CSMD1: variants seen among roughly 807,000 people sequenced by gnomAD.
The protein encoded by CSMD1 is CUB and sushi domain-containing protein 1.
Under a neutral mutation model 417.5 loss-of-function variants are expected in CSMD1, and 213 were observed. The ratio of observed to expected loss-of-function variants is 0.51; its 90% CI spans 0.46 to 0.57. The LOEUF is 0.57. CSMD1 is among the 20% of genes least tolerant of loss of function. The pLI is 0.00. For synonymous variants in CSMD1, 2,862 were observed against 1,736.8 expected (o/e 1.65, Z -16.11); for missense variants, 6,923 against 4,529.7 (o/e 1.53, Z -15.17).
intron 2 of CSMD1, among the ~76,000 whole-genome samples, chr8:4,616,515 T>C (rs1468934627): frequency 6.6e-6 from 1 of 152,228 alleles, no homozygotes; most frequent in Non-Finnish European, 1.5e-5. Flanking sequence ...TCACACCAAA[T>C]ACAAAGACTT....
Position 3,108,671 on chromosome 8 carries a change from G to C in CSMD1, c.6686C>G (p.Thr2229Ser). Reference protein sequence around the residue: ...NTALETAYSSTNQVLLKFHSD... With the variant: ...NTALETAYSSSNQVLLKFHSD... The stretch of plus-strand genomic sequence containing the variant: ...GTGGAACTTGAGCAGGACTTGGTTG[G>C]TGGAGCTATACGCCGTTTCGAGGGC... Residue 2229 changes from threonine to serine, a missense_variant, in exon 44 of 70, where the codon ACC becomes AGC. Physicochemically the swap from Thr to Ser is moderately conservative, Grantham distance 58 (BLOSUM62 1). Transcript: ENST00000635120. 6.2e-7 allele frequency: 1 copy of C among 1,613,774 alleles called. No homozygotes were observed. Among genetic ancestry groups the C allele is most frequent in the Non-Finnish European group, 8.5e-7 (1 of 1,179,816 alleles).
At chr8:2,958,884 A>G (rs1310762255) in intron 62 of CSMD1, among the ~76,000 whole-genome samples, 1 of 152,264 alleles carries the variant, frequency 6.6e-6, no homozygotes, top group Non-Finnish European at 1.5e-5. Context: ...GATTCCGGGA[A>G]GAATAACTAC....
chr8:3,191,298 AT>A (rs2129051212), intron 33 of CSMD1, among the ~76,000 whole-genome samples: 1 of 152,238 alleles, frequency 6.6e-6, no homozygotes, highest in South Asian at 2.1e-4. Context: ...TCTACTAAAA[AT>A]ACAAAAATTA....
intron 5 of CSMD1, among the ~76,000 whole-genome samples, chr8:3,960,591 G>C (rs1457707006): frequency 1.3e-5 from 2 of 152,004 alleles, no homozygotes; most frequent in Non-Finnish European, 2.9e-5. Flanking sequence ...AAGCAAAAAA[G>C]TTATTTTAAA....
At chr8:3,325,576 C>T (rs28416693) in intron 23 of CSMD1, among the ~76,000 whole-genome samples, 1 of 152,034 alleles carries the variant, frequency 6.6e-6, no homozygotes, top group Non-Finnish European at 1.5e-5. Context: ...GTAATCCCAG[C>T]ACTTTGGGAG....
intron 3 of CSMD1, among the ~76,000 whole-genome samples, chr8:4,379,918 A>G (rs763415627): frequency 6.6e-6 from 1 of 152,222 alleles, no homozygotes; most frequent in South Asian, 2.1e-4. Context: ...CGTGAACTCC[A>G]TGAGCGCGGC....
At chr8:2,970,351 T>A (rs908316595) in intron 57 of CSMD1, among the ~76,000 whole-genome samples, 1 of 152,208 alleles carries the variant, frequency 6.6e-6, no homozygotes, top group Non-Finnish European at 1.5e-5. Flanking sequence ...CTCAAGTGAA[T>A]GGCCATCTTT....
At chr8:3,411,921 C>CGTATATATACACGTATATAT in intron 12 of CSMD1, among the ~76,000 whole-genome samples, 1 of 121,042 alleles carries the variant, frequency 8.3e-6, no homozygotes, top group Non-Finnish European at 1.7e-5. Flanking sequence ...TATATATGCA[C>CGTATATATACACGTATATAT]GTATATATAC....
In CSMD1 at chr8:4,220,431, GA is replaced by G. The variant is rs150115723; in HGVS notation, c.416-188333del. ...GTTTAGCAGTATGCGACGTCCATGG[GA>G]TGGCATTAGAGGTCAGGGCAGTGAG... is the stretch of plus-strand genomic sequence containing the variant. On this transcript the variant is annotated intron_variant, in intron 3 of 69. Transcript: ENST00000635120. 5.1e-3 allele frequency among the ~76,000 whole-genome samples: 779 copies of G among 152,308 alleles called. 6 individuals are homozygous for G. Among genetic ancestry groups the G allele is most frequent in the African/African-American group, 0.018 (739 of 41,562 alleles).
intron 2 of CSMD1, among the ~76,000 whole-genome samples, chr8:4,485,122 A>T (rs1038466879): frequency 7.9e-5 from 12 of 151,964 alleles, no homozygotes; most frequent in Admixed American, 2.0e-4. Context: ...GGTTTTTCCA[A>T]ATAAGGTCTT....
chr8:4,279,478 T>G (rs533967049), intron 3 of CSMD1, among the ~76,000 whole-genome samples: 1 of 152,198 alleles, frequency 6.6e-6, no homozygotes. Flanking sequence ...ATAGCGTTTT[T>G]TCATGAGCAG....
At chr8:3,604,382 C>G (rs985140345) in intron 8 of CSMD1, among the ~76,000 whole-genome samples, 2 of 152,086 alleles carry the variant, frequency 1.3e-5, no homozygotes, top group Non-Finnish European at 2.9e-5. Flanking sequence ...TGCTCCGAAT[C>G]TTAAGATCTG....
intron 41 of CSMD1, among the ~76,000 whole-genome samples, chr8:3,123,012 A>G (rs1817295039): frequency 6.6e-6 from 1 of 152,314 alleles, no homozygotes; most frequent in South Asian, 2.1e-4. Flanking sequence ...CCCCTATGAA[A>G]CAATTATGTC....
chr8:4,726,351 A>AGTTATTACC (rs1554458888), intron 1 of CSMD1, among the ~76,000 whole-genome samples: 2 of 151,946 alleles, frequency 1.3e-5, no homozygotes, highest in Non-Finnish European at 2.9e-5. Flanking sequence ...CCTGAAAGAT[A>AGTTATTACC]GTTATTATCA....
At chr8:3,172,540 G>T (rs1010850882) in intron 37 of CSMD1, among the ~76,000 whole-genome samples, 1 of 152,164 alleles carries the variant, frequency 6.6e-6, no homozygotes, top group Non-Finnish European at 1.5e-5. Flanking sequence ...AGACCACATT[G>T]ATCTTGTTGT....
intron 1 of CSMD1, among the ~76,000 whole-genome samples, chr8:4,921,613 T>C (rs1046518368): frequency 6.6e-6 from 1 of 152,220 alleles, no homozygotes; most frequent in Non-Finnish European, 1.5e-5. Context: ...CCTTTTATTT[T>C]ACTCAGATAA....
chr8:3,915,232 T>G (rs1001893571), intron 5 of CSMD1, among the ~76,000 whole-genome samples: 16 of 151,780 alleles, frequency 1.1e-4, no homozygotes, highest in African/African-American at 3.9e-4. Context: ...ATCACGAAAC[T>G]CTGCCTCTAC....
At chr8:4,652,954 G>C (rs532541885) in intron 1 of CSMD1, among the ~76,000 whole-genome samples, 2 of 152,180 alleles carry the variant, frequency 1.3e-5, no homozygotes, top group Non-Finnish European at 2.9e-5. Context: ...GGGAGTGGCT[G>C]GAAATACAAG....
At chr8:3,109,032 A>C (rs537295397) in intron 43 of CSMD1, among the ~76,000 whole-genome samples, 1 of 152,272 alleles carries the variant, frequency 6.6e-6, no homozygotes, top group South Asian at 2.1e-4. Context: ...TGGGAGGCCA[A>C]GGCAGGCAGA....
Sources: gnomAD v4.1 joint callset for allele counts (sites outside exome capture counted in the v4.1 genomes callset) on GRCh38, gnomAD v4.1.1 for gene constraint, MANE v1.5 for transcripts, NCBI Gene and HGNC (gene_info 2026-07-23, HGNC 2026-07-21) for gene names.